ADAM10: variants seen among roughly 807,000 people sequenced by gnomAD.
ADAM10 encodes the protein ADAM metallopeptidase domain 10.
ADAM10 carries 17 observed loss-of-function variants against 90.1 expected under a neutral mutation model. That is an observed-to-expected ratio of 0.19 (90% CI 0.13 to 0.28). ADAM10 has a LOEUF of 0.28. ADAM10 is among the 10% of genes least tolerant of loss of function. The pLI, the probability that ADAM10 is intolerant of heterozygous loss-of-function variation, is 1.00. For missense variants in ADAM10, 610 were observed against 914.3 expected (o/e 0.67, Z 4.29); for synonymous variants, 310 against 298.6 (o/e 1.04, Z -0.40).
intron 2 of ADAM10, among the ~76,000 whole-genome samples, chr15:58,701,714 AG>A (rs1467579413): frequency 6.6e-6 from 1 of 152,242 alleles, no homozygotes; most frequent in East Asian, 1.9e-4. Context: ...TATTTACAAT[AG>A]CCAAGATATG....
At chr15:58,605,330 T>C in intron 14 of ADAM10, among the ~76,000 whole-genome samples, 1 of 152,196 alleles carries the variant, frequency 6.6e-6, no homozygotes, top group East Asian at 1.9e-4. Flanking sequence ...ATAGTAGCTT[T>C]TGTGAATTTA....
At chr15:58,600,359 C>T (rs1452533428) in intron 14 of ADAM10, among the ~76,000 whole-genome samples, 1 of 152,188 alleles carries the variant, frequency 6.6e-6, no homozygotes, top group African/African-American at 2.4e-5. Context: ...ACCTACATTG[C>T]TTTCTAATTA....
At chr15:58,609,914 A>T (rs1895390152) in intron 14 of ADAM10, 1 of 259,134 alleles carries the variant, frequency 3.9e-6, no homozygotes, top group South Asian at 4.6e-5. Context: ...ATACTGAAAG[A>T]TCAGGAAAAA....
At chr15:58,706,359 G>A (rs1253627355) in intron 2 of ADAM10, among the ~76,000 whole-genome samples, 1 of 152,066 alleles carries the variant, frequency 6.6e-6, no homozygotes, top group Non-Finnish European at 1.5e-5. Context: ...CTGGGTTAGT[G>A]GTTACTAGGA....
Position 58,644,374 on chromosome 15 carries a change from C to T in ADAM10, c.736-396G>A, listed in dbSNP as rs184888782. 1.6e-3 allele frequency among the ~76,000 whole-genome samples: 240 copies of T among 152,044 alleles called. 1 individual carries two copies. Among genetic ancestry groups the T allele is most frequent in the Non-Finnish European group, 2.5e-3 (169 of 67,976 alleles). On this transcript the variant is annotated intron_variant, in intron 6 of 15. Transcript: ENST00000260408. ...CCTCCCAAACAACTGGGATTACAGG[C>T]GCCTACCACCATGCCCAGCTAATTT...
At position 58,597,349 on chromosome 15, in the gene ADAM10, C is replaced by T; in HGVS notation, c.*198G>A. ...ATAAGAAAATTGGGTTCCTTTTCCA[C>T]CTCCCACCCCCAAATTGGAATTTTC... On this transcript the variant is annotated 3_prime_UTR_variant, in exon 16 of 16. Transcript: ENST00000260408. 6.5e-7 allele frequency: 1 copy of T among 1,534,770 alleles called. No homozygotes were observed. Among genetic ancestry groups the T allele is most frequent in the East Asian group, 2.5e-5 (1 of 40,796 alleles).
intron 2 of ADAM10, among the ~76,000 whole-genome samples, chr15:58,717,086 T>G (rs1174832216): frequency 6.6e-6 from 1 of 152,192 alleles, no homozygotes; most frequent in African/African-American, 2.4e-5. Context: ...AGTGATTTTT[T>G]TTAACCTCTC....
chr15:58,652,847 G>A (rs749437759), intron 5 of ADAM10, among the ~76,000 whole-genome samples: 3 of 152,044 alleles, frequency 2.0e-5, no homozygotes, highest in Admixed American at 1.3e-4. Context: ...TGATTCTTCC[G>A]ATATACGAAC....
At position 58,682,286 on chromosome 15, in the gene ADAM10, T is replaced by C; in HGVS notation, c.235A>G (p.Thr79Ala). The change falls in exon 3 of 16, where the codon ACT becomes GCT. Residue 79 changes from threonine to alanine, a missense_variant. Thr to Ala is a moderately conservative substitution (Grantham distance 58). Coordinates refer to ENST00000260408, the MANE Select transcript of ADAM10 (RefSeq NM_001110.4). ...RHFNLRMKRD[T>A]SLFSDEFKVE... ...TTAAATTCATCACTGAAAAGGGAAGTGTCCCTCTTCATTCGTAGGTTGAAA... is the reference window on the plus strand; with the variant it reads ...TTAAATTCATCACTGAAAAGGGAAGCGTCCCTCTTCATTCGTAGGTTGAAA... 6.2e-7 allele frequency: 1 copy of C among 1,613,032 alleles called. No individual in the cohort carries two copies. Among genetic ancestry groups the C allele is most frequent in the Non-Finnish European group, 8.5e-7 (1 of 1,179,466 alleles).
chr15:58,729,296 G>C (rs1182132001), intron 1 of ADAM10, among the ~76,000 whole-genome samples: 1 of 152,216 alleles, frequency 6.6e-6, no homozygotes, highest in African/African-American at 2.4e-5. Context: ...TGGAAATTGT[G>C]TTTATGGATG....
chr15:58,659,854 CAG>C (rs1896926646), intron 5 of ADAM10, among the ~76,000 whole-genome samples: 1 of 152,126 alleles, frequency 6.6e-6, no homozygotes, highest in East Asian at 1.9e-4. Context: ...TCAGCCTCCC[CAG>C]TAGCTGGGAC....
chr15:58,693,477 G>A (rs1295808784), intron 2 of ADAM10, among the ~76,000 whole-genome samples: 1 of 152,082 alleles, frequency 6.6e-6, no homozygotes, highest in Non-Finnish European at 1.5e-5. Context: ...ATAGATCATG[G>A]CAATTCAAAG....
At chr15:58,629,005 C>G (rs1896026702) in intron 9 of ADAM10, among the ~76,000 whole-genome samples, 1 of 152,186 alleles carries the variant, frequency 6.6e-6, no homozygotes. Context: ...CCAATATTAT[C>G]TTGCTTTATG....
At chr15:58,679,613 T>A (rs1897374045) in intron 3 of ADAM10, among the ~76,000 whole-genome samples, 1 of 152,064 alleles carries the variant, frequency 6.6e-6, no homozygotes, top group African/African-American at 2.4e-5. Flanking sequence ...CATCAATAAT[T>A]GTAAATTGGC....
chr15:58,722,425 G>C (rs1317655289), intron 1 of ADAM10, among the ~76,000 whole-genome samples: 1 of 151,472 alleles, frequency 6.6e-6, no homozygotes, highest in Non-Finnish European at 1.5e-5. Context: ...TGTAATCCAA[G>C]CTACCCAAGA....
intron 1 of ADAM10, chr15:58,748,746 C>CGTT: frequency 2.5e-6 from 1 of 395,018 alleles, no homozygotes; most frequent in Non-Finnish European, 4.5e-6. Context: ...TTCTCCCGAC[C>CGTT]AAACCCTTTC....
chr15:58,736,988 A>C (rs1899452085), intron 1 of ADAM10, among the ~76,000 whole-genome samples: 1 of 152,086 alleles, frequency 6.6e-6, no homozygotes, highest in African/African-American at 2.4e-5. Flanking sequence ...AATACCAAAA[A>C]ATCACATGCA....
intron 1 of ADAM10, among the ~76,000 whole-genome samples, chr15:58,736,011 A>T (rs1319991229): frequency 6.6e-6 from 1 of 152,216 alleles, no homozygotes; most frequent in African/African-American, 2.4e-5. Flanking sequence ...TCTGACATCA[A>T]TGGAAAATGA....
intron 5 of ADAM10, among the ~76,000 whole-genome samples, chr15:58,648,886 A>G (rs1234043516): frequency 6.6e-6 from 1 of 151,986 alleles, no homozygotes; most frequent in Non-Finnish European, 1.5e-5. Flanking sequence ...GATAATAGAC[A>G]TATTTTTGTT....
Sources: allele counts gnomAD v4.1 joint callset (sites outside exome capture counted in the v4.1 genomes callset), GRCh38; gene constraint gnomAD v4.1.1; transcripts MANE v1.5; gene names NCBI Gene and HGNC (gene_info 2026-07-23, HGNC 2026-07-21).